The following ATL3 variants were observed in gnomAD, a reference collection of about 807,000 sequenced individuals.
The protein encoded by ATL3 is atlastin-3.
A neutral mutation model predicts 69.5 loss-of-function variants in ATL3; 49 were observed. The ratio of observed to expected loss-of-function variants is 0.71; its 90% confidence interval spans 0.56 to 0.89. ATL3 has a LOEUF of 0.89. Among genes scored for constraint, ATL3 ranks in the 40% least tolerant of loss-of-function variants. The pLI, the probability that ATL3 is intolerant of heterozygous loss-of-function variation, is 0.00. For synonymous variants in ATL3, 214 were observed against 224.1 expected (o/e 0.95, Z 0.40); for missense variants, 606 against 645.7 (o/e 0.94, Z 0.67).
chr11:63,646,473 A>T, intron 6 of ATL3, 34 bp downstream of exon 6: 1 of 1,324,092 alleles, frequency 7.6e-7, no homozygotes, highest in Non-Finnish European at 1.0e-6. Context: ...ACAAAAACAA[A>T]GGTATGAATT....
At chr11:63,666,635 C>G (rs776619678) in intron 1 of ATL3, among the ~76,000 whole-genome samples, 1 of 150,172 alleles carries the variant, frequency 6.7e-6, no homozygotes, top group African/African-American at 2.4e-5. Context: ...GATCGCACAC[C>G]GTGCGATCAA....
chr11:63,653,284 T>C (rs982376775), intron 3 of ATL3, among the ~76,000 whole-genome samples: 3 of 152,008 alleles, frequency 2.0e-5, no homozygotes, highest in Admixed American at 6.6e-5. Context: ...CCGGCTAACA[T>C]GGCAAAATCC....
intron 9 of ATL3, among the ~76,000 whole-genome samples, chr11:63,635,867 C>T (rs769826594): frequency 4.0e-5 from 6 of 148,536 alleles, no homozygotes; most frequent in South Asian, 4.4e-4. Flanking sequence ...AGTGACCATC[C>T]GCCTTGAGGT....
Position 63,628,101 on chromosome 11 carries a change from C to T in ATL3, c.*1218G>A, listed in dbSNP as rs986527892. On this transcript the variant is annotated 3_prime_UTR_variant, in exon 13 of 13. Coordinates refer to ENST00000398868, the MANE Select transcript of ATL3 (RefSeq NM_015459.5). Reference sequence around the variant, plus strand: ...TGCAGAACTCTCAAAAACAAAACCCCTCAAATGACAATTACAAGAGTTGTG... The same window carrying T: ...TGCAGAACTCTCAAAAACAAAACCCTTCAAATGACAATTACAAGAGTTGTG... 4.6e-5 allele frequency: 7 copies of T among 152,126 alleles called. No homozygotes were observed. Among genetic ancestry groups the T allele is most frequent in the Non-Finnish European group, 7.3e-5 (5 of 68,030 alleles). 9.4% of individuals were successfully genotyped at this position (152,126 alleles called of 1,614,324 possible).
At chr11:63,657,062 T>C (rs1001566578) in intron 3 of ATL3, among the ~76,000 whole-genome samples, 1 of 151,562 alleles carries the variant, frequency 6.6e-6, no homozygotes, top group African/African-American at 2.4e-5. Context: ...ATACAAAAAT[T>C]ATCCAGGCAT....
Position 63,652,527 on chromosome 11 carries a change from T to C in ATL3, c.454A>G (p.Thr152Ala). 1 of 1,612,186 alleles carries C rather than the reference T, an allele frequency of 6.2e-7. No individual in the cohort carries two copies. Among genetic ancestry groups the C allele is most frequent in the Middle Eastern group, 1.7e-4 (1 of 6,060 alleles). The change falls in exon 4 of 13, where the codon ACT becomes GCT. Residue 152 changes from threonine (T) to alanine (A), a missense_variant. Thr to Ala is a moderately conservative substitution (Grantham distance 58). Transcript: ENST00000398868. ...AAGATGGTAGCACAGTCTTTCACAG[T>C]TGACTGGCTGTCAAATGCCCCCTGG... ...DTQGAFDSQS[T>A]VKDCATIFAL...
intron 6 of ATL3, among the ~76,000 whole-genome samples, chr11:63,644,689 C>A (rs940541505): frequency 6.6e-6 from 1 of 152,092 alleles, no homozygotes; most frequent in Non-Finnish European, 1.5e-5. Context: ...CCACACCCGG[C>A]CAGATTTATC....
At chr11:63,632,982 C>T in intron 11 of ATL3, 44 bp downstream of exon 11, 1 of 1,573,260 alleles carries the variant, frequency 6.4e-7, no homozygotes, top group Non-Finnish European at 8.7e-7. Flanking sequence ...AGCAACAATG[C>T]CCAGATTATA....
Position 63,658,002 on chromosome 11 carries a change from A to G in ATL3, c.405+759T>C, listed in dbSNP as rs480977. Among the ~76,000 whole-genome samples the G allele has an allele frequency of 8.7e-3, 1,321 of 152,062 alleles. 17 individuals carry two copies. Among genetic ancestry groups the G allele is most frequent in the African/African-American group, 0.03 (1,250 of 41,476 alleles). ...CTCCCAAGTAGCTGGGATTACAGGC[A>G]CCCACCACCACACCCAGCTAATTTT... On this transcript the variant is annotated intron_variant, in intron 3 of 12. Coordinates refer to ENST00000398868, the MANE Select transcript of ATL3 (RefSeq NM_015459.5).
intron 1 of ATL3, chr11:63,670,637 G>A (rs1940740009): frequency 6.6e-6 from 1 of 152,226 alleles, no homozygotes. Flanking sequence ...ACAACGTACT[G>A]TGCCAAAAGC....
At chr11:63,636,506 A>T (rs1380272785) in intron 8 of ATL3, among the ~76,000 whole-genome samples, 172 bp from the exon 9 acceptor site, 1 of 152,192 alleles carries the variant, frequency 6.6e-6, no homozygotes, top group Non-Finnish European at 1.5e-5. Context: ...TGGGAGGCCG[A>T]GGCAGGTGGA....
chr11:63,665,345 C>CAAAAAAAAAAA (rs1234905053), intron 1 of ATL3, among the ~76,000 whole-genome samples: 1 of 75,254 alleles, frequency 1.3e-5, no homozygotes, highest in East Asian at 4.9e-4. Context: ...GACTCCATCT[C>CAAAAAAAAAAA]AAAAAAAAAA....
intron 1 of ATL3, among the ~76,000 whole-genome samples, chr11:63,668,367 G>A (rs1195104828): frequency 6.6e-6 from 1 of 152,136 alleles, no homozygotes; most frequent in East Asian, 1.9e-4. Flanking sequence ...GTGGTGGAGG[G>A]GTGGGTGCTT....
At chr11:63,655,242 C>T (rs1940203920) in intron 3 of ATL3, among the ~76,000 whole-genome samples, 1 of 152,176 alleles carries the variant, frequency 6.6e-6, no homozygotes, top group Non-Finnish European at 1.5e-5. Context: ...TCTCCGCCGC[C>T]CAGGTTCCAG....
intron 8 of ATL3, among the ~76,000 whole-genome samples, chr11:63,637,445 A>G (rs2134475750): frequency 6.6e-6 from 1 of 152,334 alleles, no homozygotes; most frequent in Non-Finnish European, 1.5e-5. Flanking sequence ...TAAAAGAAGT[A>G]GAAGTACCTG....
rs1310649515 is a variant in ATL3, at chr11:63,652,550, TGGG to T, written c.428_430del (p.Thr143_Gln144delinsLys). 29 of 1,611,152 alleles carry T rather than the reference TGGG, an allele frequency of 1.8e-5. No individual in the cohort carries two copies. Among genetic ancestry groups the T allele is most frequent in the Non-Finnish European group, 2.5e-5 (29 of 1,178,230 alleles). On this transcript the variant is annotated inframe_deletion, in exon 4 of 13. Coordinates refer to ENST00000398868, the MANE Select transcript of ATL3 (RefSeq NM_015459.5). The stretch of plus-strand genomic sequence containing the variant: ...AGTTGACTGGCTGTCAAATGCCCCC[TGGG>T]TATCCATCAGAACAACTGCAACCTA...
chr11:63,625,280 G>C lies in ATL3; in HGVS notation c.*4039C>G, dbSNP rs972103814. ...ATTTTGTTAAATAAAACATATGTAA[G>C]CCAGAATGACACAGCCATGTTGACA... On this transcript the variant is annotated 3_prime_UTR_variant, in exon 13 of 13. Transcript: ENST00000398868. 5 of 152,022 alleles carry C rather than the reference G, an allele frequency of 3.3e-5. No individual in the cohort carries two copies. The highest frequency in any genetic ancestry group is 1.2e-4 in the African/African-American group (5 of 41,374). 9.4% of individuals were successfully genotyped at this position (152,022 alleles called of 1,614,324 possible). A position where few individuals can be genotyped will look rare whatever the true frequency, so the allele number is the denominator to read the frequency against.
chr11:63,654,463 T>G (rs555130005), intron 3 of ATL3, among the ~76,000 whole-genome samples: 17 of 152,032 alleles, frequency 1.1e-4, no homozygotes, highest in African/African-American at 3.6e-4. Context: ...AATGGCACGA[T>G]CTTGGCTCAC....
intron 3 of ATL3, among the ~76,000 whole-genome samples, chr11:63,653,165 T>C (rs961822044): frequency 6.6e-6 from 1 of 150,470 alleles, no homozygotes; most frequent in African/African-American, 2.5e-5. Context: ...ATCGTGTCTC[T>C]ACCAAAAATA....
Sources: gnomAD v4.1 joint callset for allele counts (sites outside exome capture counted in the v4.1 genomes callset) on GRCh38, gnomAD v4.1.1 for gene constraint, MANE v1.5 for transcripts, NCBI Gene and HGNC (gene_info 2026-07-23, HGNC 2026-07-21) for gene names.